Variants in RPS6KC1 observed in about 807,000 individuals in gnomAD.
The protein encoded by RPS6KC1 is ribosomal protein S6 kinase C1.
A neutral mutation model predicts 103.8 loss-of-function variants in RPS6KC1; 54 were observed. That is an observed-to-expected ratio of 0.52 (90% CI 0.42 to 0.65). The LOEUF (loss-of-function observed/expected upper bound fraction) is 0.65, where lower values mean the gene tolerates loss of function less well. Among genes scored for constraint, RPS6KC1 ranks in the 30% least tolerant of loss-of-function variants. The probability of loss-of-function intolerance (pLI) is 0.00; values close to 1 mark genes in which losing one functional copy is unlikely to be tolerated. For missense variants in RPS6KC1, 1,151 were observed against 1,253.8 expected, an observed-to-expected ratio of 0.92 and a Z score of 1.24; for synonymous variants, 439 against 438.7, an observed-to-expected ratio of 1.00 and a Z score of -0.01.
the RPS6KC1 span, among the ~76,000 whole-genome samples, chr1:213,659,909 A>G: frequency 6.6e-6 from 1 of 152,230 alleles, no homozygotes; most frequent in Admixed American, 6.5e-5. Context: ...TACACCTGAT[A>G]ATACATCCAT....
At chr1:213,152,107 C>T (rs1435451675) in intron 6 of RPS6KC1, among the ~76,000 whole-genome samples, 1 of 132,604 alleles carries the variant, frequency 7.5e-6, no homozygotes, top group Non-Finnish European at 1.6e-5. Flanking sequence ...CAGAGGGGCT[C>T]CTCACTTCCC....
intron 8 of RPS6KC1, among the ~76,000 whole-genome samples, chr1:213,210,857 G>T (rs921396375): frequency 8.5e-5 from 13 of 152,168 alleles, no homozygotes; most frequent in African/African-American, 3.1e-4. Flanking sequence ...TGTATTGATC[G>T]ACTTAAGAAT....
At chr1:213,615,928 G>C in the RPS6KC1 span, among the ~76,000 whole-genome samples, 4 of 152,210 alleles carry the variant, frequency 2.6e-5, no homozygotes, top group Non-Finnish European at 4.4e-5. Context: ...GGGAGGGGTA[G>C]GTAGGGAAAA....
At chr1:213,396,828 G>C in the RPS6KC1 span, among the ~76,000 whole-genome samples, 1 of 152,230 alleles carries the variant, frequency 6.6e-6, no homozygotes, top group East Asian at 1.9e-4. Flanking sequence ...GGTCTCAGCT[G>C]ATAGTGGGGT....
the RPS6KC1 span, among the ~76,000 whole-genome samples, chr1:213,669,881 A>C: frequency 1.3e-5 from 2 of 151,918 alleles, no homozygotes; most frequent in Non-Finnish European, 2.9e-5. Flanking sequence ...CTGAAACCCT[A>C]TAAGGTTCAC....
At chr1:213,494,161 G>A in the RPS6KC1 span, among the ~76,000 whole-genome samples, 3 of 152,144 alleles carry the variant, frequency 2.0e-5, no homozygotes, top group Non-Finnish European at 4.4e-5. Context: ...TTGGGACTAG[G>A]TTGTCACACA....
chr1:213,362,719 A>T, the RPS6KC1 span, among the ~76,000 whole-genome samples: 1 of 152,166 alleles, frequency 6.6e-6, no homozygotes, highest in South Asian at 2.1e-4. Context: ...ATTATTCTGG[A>T]TGTTTCTGTG....
At chr1:213,085,687 G>T (rs958973224) in intron 3 of RPS6KC1, among the ~76,000 whole-genome samples, 3 of 151,530 alleles carry the variant, frequency 2.0e-5, no homozygotes, top group Non-Finnish European at 4.4e-5. Context: ...ATGCATCTAC[G>T]TTTCTCTGTG....
the RPS6KC1 span, among the ~76,000 whole-genome samples, chr1:213,489,210 C>T: frequency 6.6e-6 from 1 of 152,110 alleles, no homozygotes; most frequent in Non-Finnish European, 1.5e-5. Flanking sequence ...GACCTGAGTA[C>T]AGTTGCTTAA....
At chr1:213,582,459 A>G in the RPS6KC1 span, among the ~76,000 whole-genome samples, 1 of 152,202 alleles carries the variant, frequency 6.6e-6, no homozygotes, top group Non-Finnish European at 1.5e-5. Flanking sequence ...CCTCACTGCT[A>G]TCCTCTGTCA....
At chr1:213,105,323 C>A in intron 4 of RPS6KC1, among the ~76,000 whole-genome samples, 1 of 145,608 alleles carries the variant, frequency 6.9e-6, no homozygotes, top group African/African-American at 2.5e-5. Flanking sequence ...ACTACATTTT[C>A]CCTGTTGCAT....
chr1:213,303,301 C>T, the RPS6KC1 span, among the ~76,000 whole-genome samples: 19 of 152,284 alleles, frequency 1.2e-4, no homozygotes, highest in African/African-American at 3.4e-4. Context: ...TTGGAAGCCT[C>T]GGTTGTGAAA....
chr1:213,146,713 C>T (rs2087885368), intron 6 of RPS6KC1, among the ~76,000 whole-genome samples: 1 of 151,836 alleles, frequency 6.6e-6, no homozygotes, highest in Non-Finnish European at 1.5e-5. Flanking sequence ...GTGTGAGCCA[C>T]TGTGCCCGGC....
the RPS6KC1 span, among the ~76,000 whole-genome samples, chr1:213,857,303 C>T: frequency 6.6e-6 from 1 of 152,166 alleles, no homozygotes; most frequent in Non-Finnish European, 1.5e-5. Flanking sequence ...TTTCAGACTC[C>T]TCATGAAAAA....
At chr1:213,478,135 A>T in the RPS6KC1 span, among the ~76,000 whole-genome samples, 1 of 152,152 alleles carries the variant, frequency 6.6e-6, no homozygotes, top group African/African-American at 2.4e-5. Context: ...TTTTCAGATT[A>T]GCTTCTTTTA....
chr1:213,173,082 A>G (rs2091604317), intron 7 of RPS6KC1, among the ~76,000 whole-genome samples: 1 of 150,854 alleles, frequency 6.6e-6, no homozygotes, highest in Non-Finnish European at 1.5e-5. Context: ...TTCTCATCTA[A>G]AAAAAAAAGT....
chr1:213,477,543 A>G, the RPS6KC1 span, among the ~76,000 whole-genome samples: 4,195 of 152,262 alleles, frequency 0.028, 78 homozygotes, highest in East Asian at 0.071. Context: ...GTAAATATCA[A>G]TCTTTGTTTT....
the RPS6KC1 span, among the ~76,000 whole-genome samples, chr1:213,802,269 A>C: frequency 1.3e-5 from 2 of 152,218 alleles, no homozygotes; most frequent in Non-Finnish European, 2.9e-5. Context: ...CATTCAGCTC[A>C]ATTTAACTGC....
chr1:213,701,483 A>C, the RPS6KC1 span, among the ~76,000 whole-genome samples: 1 of 151,932 alleles, frequency 6.6e-6, no homozygotes, highest in East Asian at 1.9e-4. Context: ...TTTTGTATTA[A>C]TATTCAAGTA....
Sources: allele counts gnomAD v4.1 joint callset (sites outside exome capture counted in the v4.1 genomes callset), GRCh38; gene constraint gnomAD v4.1.1; transcripts MANE v1.5; gene names NCBI Gene and HGNC (gene_info 2026-07-23, HGNC 2026-07-21).